The following ACCSL variants were observed in gnomAD, a reference collection of about 807,000 sequenced individuals.
ACCSL encodes the protein probable inactive 1-aminocyclopropane-1-carboxylate synthase-like protein 2.
Under a neutral mutation model 61.7 loss-of-function variants are expected in ACCSL, and 55 were observed. The ratio of observed to expected loss-of-function variants is 0.89; its 90% CI spans 0.72 to 1.12. The LOEUF is 1.12. Among genes scored for constraint, ACCSL ranks in the 50% most tolerant of loss-of-function variants. ACCSL has a pLI of 0.00. For missense variants in ACCSL, 632 were observed against 698.0 expected (o/e 0.91, Z 1.07); for synonymous variants, 258 against 264.3 (o/e 0.98, Z 0.23).
At chr11:43,960,538 C>T in the ACCSL span, among the ~76,000 whole-genome samples, 1 of 152,040 alleles carries the variant, frequency 6.6e-6, no homozygotes, top group Admixed American at 6.5e-5. Flanking sequence ...GCGTGCACTA[C>T]CATGCCTGGC....
chr11:43,964,156 G>C, the ACCSL span, among the ~76,000 whole-genome samples: 5 of 152,074 alleles, frequency 3.3e-5, no homozygotes, highest in Non-Finnish European at 4.4e-5. Context: ...GAAAAGCCTA[G>C]GGCTGTGGCC....
At chr11:44,011,443 AC>A in the ACCSL span, among the ~76,000 whole-genome samples, 1 of 152,208 alleles carries the variant, frequency 6.6e-6, no homozygotes, top group African/African-American at 2.4e-5. Flanking sequence ...TGCACTTAGC[AC>A]AAAGCATGGA....
the ACCSL span, among the ~76,000 whole-genome samples, chr11:43,951,837 C>G: frequency 1.8e-4 from 27 of 152,100 alleles, no homozygotes. Flanking sequence ...CCTGTCTCTA[C>G]TAAAAATACA....
chr11:43,934,114 GTC>G, the ACCSL span, among the ~76,000 whole-genome samples: 3 of 151,862 alleles, frequency 2.0e-5, no homozygotes, highest in African/African-American at 2.4e-5. Context: ...CTTCTTCCCT[GTC>G]TCTCTCTCCC....
At chr11:43,925,561 C>T in the ACCSL span, 1 of 418,056 alleles carries the variant, frequency 2.4e-6, no homozygotes, top group Non-Finnish European at 4.9e-6. Flanking sequence ...CAAGACTGGC[C>T]CCGTTCGCTT....
chr11:44,018,109 C>T, the ACCSL span, among the ~76,000 whole-genome samples: 2 of 152,188 alleles, frequency 1.3e-5, no homozygotes, highest in Non-Finnish European at 2.9e-5. Context: ...TGAGCCACTC[C>T]CTGTATTTGG....
the ACCSL span, among the ~76,000 whole-genome samples, chr11:44,000,217 C>G: frequency 9.2e-5 from 14 of 152,250 alleles, no homozygotes; most frequent in South Asian, 2.9e-3. Flanking sequence ...CTCCGCCTCC[C>G]GGGTGCAAGC....
the ACCSL span, among the ~76,000 whole-genome samples, chr11:43,956,696 GGTGTGA>G: frequency 6.6e-6 from 1 of 152,166 alleles, no homozygotes; most frequent in Non-Finnish European, 1.5e-5. Flanking sequence ...TGGGATTACA[GGTGTGA>G]GCCACTGCAC....
the ACCSL span, among the ~76,000 whole-genome samples, chr11:43,976,247 G>A: frequency 6.6e-6 from 1 of 152,112 alleles, no homozygotes; most frequent in Non-Finnish European, 1.5e-5. Context: ...TCTTCTATGA[G>A]AGAGAGATAC....
the ACCSL span, among the ~76,000 whole-genome samples, chr11:43,941,387 G>C: frequency 6.6e-6 from 1 of 152,218 alleles, no homozygotes; most frequent in Admixed American, 6.5e-5. Flanking sequence ...TCCTGAGCAG[G>C]AAAGTAACTT....
chr11:44,013,827 G>A, the ACCSL span, among the ~76,000 whole-genome samples: 2 of 152,208 alleles, frequency 1.3e-5, no homozygotes, highest in Non-Finnish European at 2.9e-5. Flanking sequence ...AAAGTAAAAA[G>A]TAGCATTTGG....
At position 44,056,092 on chromosome 11, in the gene ACCSL, C is replaced by G; in HGVS notation, c.1185+7C>G. On this transcript the variant is annotated splice_region_variant and intron_variant, in intron 10 of 13. Coordinates refer to ENST00000378832, the MANE Select transcript of ACCSL (RefSeq NM_001031854.2). ...GATCTGGGGTACCAGTAAGGTGAGCCATTGCTTTCTCTCCTTGGCTAGGGA... is the reference window on the plus strand; with the variant it reads ...GATCTGGGGTACCAGTAAGGTGAGCGATTGCTTTCTCTCCTTGGCTAGGGA... 6.2e-7 allele frequency: 1 copy of G among 1,614,222 alleles called. No individual in the cohort carries two copies. Among genetic ancestry groups the G allele is most frequent in the East Asian group, 2.2e-5 (1 of 44,890 alleles).
At chr11:43,924,254 A>C in the ACCSL span, among the ~76,000 whole-genome samples, 1 of 152,264 alleles carries the variant, frequency 6.6e-6, no homozygotes, top group South Asian at 2.1e-4. Context: ...TGGTGTCCGC[A>C]GTGGTCTGGG....
chr11:43,982,515 CCT>C, the ACCSL span, among the ~76,000 whole-genome samples: 7 of 152,032 alleles, frequency 4.6e-5, no homozygotes, highest in Non-Finnish European at 8.8e-5. Context: ...TTGACCACTC[CCT>C]GTTTCTAACC....
the ACCSL span, chr11:43,944,818 G>C: frequency 6.6e-6 from 1 of 152,580 alleles, no homozygotes; most frequent in Non-Finnish European, 1.5e-5. Context: ...TGGTTGAGCC[G>C]GGCAGGTCCC....
At chr11:43,993,842 C>T in the ACCSL span, among the ~76,000 whole-genome samples, 7 of 152,180 alleles carry the variant, frequency 4.6e-5, no homozygotes, top group South Asian at 2.1e-4. Context: ...ATTGCTGCAG[C>T]GATTGGGCGG....
the ACCSL span, among the ~76,000 whole-genome samples, chr11:43,984,178 C>T: frequency 5.3e-5 from 8 of 152,188 alleles, 1 homozygote; most frequent in South Asian, 1.2e-3. Context: ...ATATAAAATT[C>T]CCAGCCTTGT....
the ACCSL span, among the ~76,000 whole-genome samples, chr11:43,922,775 G>A: frequency 7.2e-5 from 11 of 152,176 alleles, no homozygotes; most frequent in Admixed American, 1.3e-4. Context: ...TGGGGACCCT[G>A]AATGACACCC....
At chr11:44,017,327 T>C in the ACCSL span, among the ~76,000 whole-genome samples, 26,502 of 152,150 alleles carry the variant, frequency 0.17, 2,419 homozygotes, top group East Asian at 0.29. Context: ...CACATACAGC[T>C]GTGTAGGTTG....
Sources: allele counts gnomAD v4.1 joint callset (sites outside exome capture counted in the v4.1 genomes callset), GRCh38; gene constraint gnomAD v4.1.1; transcripts MANE v1.5; gene names NCBI Gene and HGNC (gene_info 2026-07-23, HGNC 2026-07-21).